Variants in WWTR1 observed in about 807,000 individuals in gnomAD.
The protein encoded by WWTR1 is WW domain-containing transcription regulator protein 1.
Under a neutral mutation model 40.1 loss-of-function variants are expected in WWTR1, and 13 were observed. The ratio of observed to expected loss-of-function variants is 0.32; its 90% CI spans 0.21 to 0.52. The LOEUF (loss-of-function observed/expected upper bound fraction) is 0.52, where lower values mean the gene tolerates loss of function less well. WWTR1 is among the 20% of genes least tolerant of loss of function. The pLI is 0.97. For synonymous variants in WWTR1, 230 were observed against 210.1 expected, an observed-to-expected ratio of 1.09 and a Z score of -0.82; for missense variants, 436 against 523.1, an observed-to-expected ratio of 0.83 and a Z score of 1.63.
intron 2 of WWTR1, among the ~76,000 whole-genome samples, chr3:149,652,917 G>A (rs1001108276): frequency 2.0e-5 from 3 of 151,914 alleles, no homozygotes; most frequent in African/African-American, 4.8e-5. Flanking sequence ...TTGAGGAGGT[G>A]AAGGAAACCA....
intron 1 of WWTR1, among the ~76,000 whole-genome samples, chr3:149,687,828 C>T (rs1022419708): frequency 1.3e-5 from 2 of 152,034 alleles, no homozygotes; most frequent in Non-Finnish European, 2.9e-5. Flanking sequence ...GCCTTAGCTC[C>T]TGGATGGCAT....
chr3:149,576,123 A>G (rs1737866595), intron 2 of WWTR1: 1 of 456,542 alleles, frequency 2.2e-6, no homozygotes, highest in Non-Finnish European at 4.4e-6. Flanking sequence ...AGAAAGCCCA[A>G]ATTCCTGGCT....
exon 1 of WWTR1, chr3:149,703,170 G>C (rs1334513830): frequency 6.6e-6 from 1 of 152,250 alleles, no homozygotes; most frequent in Non-Finnish European, 1.5e-5. Context: ...GGAGATTTTA[G>C]TCACTCTGAG....
chr3:149,524,120 G>C (rs1394005871), intron 6 of WWTR1, among the ~76,000 whole-genome samples: 1 of 152,180 alleles, frequency 6.6e-6, no homozygotes, highest in East Asian at 1.9e-4. Flanking sequence ...TGAGAAATCT[G>C]AGGCTCACGG....
At chr3:149,696,112 CAAAAAAAAA>C (rs368629673) in intron 1 of WWTR1, among the ~76,000 whole-genome samples, 1 of 77,140 alleles carries the variant, frequency 1.3e-5, no homozygotes, top group African/African-American at 5.5e-5. Flanking sequence ...GACTCTGTCT[CAAAAAAAAA>C]AAAAAAAAAA....
upstream of WWTR1, among the ~76,000 whole-genome samples, chr3:149,660,627 A>C (rs941434872): frequency 6.6e-6 from 1 of 152,250 alleles, no homozygotes; most frequent in African/African-American, 2.4e-5. Context: ...CGTAAGAGGC[A>C]GCACAGTGGA....
rs1464738319 is a variant in WWTR1 at position 149,518,950 on chromosome 3, T to C, written c.*1855A>G. ...CTACTTCATCTCTGACCTTTTCACT[T>C]GCCTTCTTTCCAACATGATCCAATG... On this transcript the variant is annotated 3_prime_UTR_variant, in exon 7 of 7. Transcript: ENST00000360632. The C allele has an allele frequency of 6.6e-6, 1 of 152,062 alleles. No individual in the cohort carries two copies. The highest frequency in any genetic ancestry group is 2.1e-4 in the South Asian group (1 of 4,822). 9.4% of individuals were successfully genotyped at this position (152,062 alleles called of 1,614,324 possible).
chr3:149,524,551 T>G (rs1401276600), intron 6 of WWTR1, among the ~76,000 whole-genome samples: 2 of 151,870 alleles, frequency 1.3e-5, no homozygotes, highest in Admixed American at 6.6e-5. Flanking sequence ...GGGGTGGTGG[T>G]GGGGGAAGAA....
chr3:149,621,161 G>A (rs1740247619), intron 2 of WWTR1, among the ~76,000 whole-genome samples: 1 of 152,124 alleles, frequency 6.6e-6, no homozygotes, highest in Non-Finnish European at 1.5e-5. Flanking sequence ...ACTAAATATG[G>A]CATTTAAAAG....
intron 1 of WWTR1, 190 bp downstream of exon 1, chr3:149,657,575 G>C: frequency 2.1e-6 from 1 of 465,362 alleles, no homozygotes; most frequent in Non-Finnish European, 3.8e-6. Flanking sequence ...GAGGGGTGGA[G>C]GGAATAACTG....
At chr3:149,595,958 G>A (rs1026590830) in intron 2 of WWTR1, among the ~76,000 whole-genome samples, 24 of 151,966 alleles carry the variant, frequency 1.6e-4, no homozygotes, top group Admixed American at 1.6e-3. Flanking sequence ...GCTTGAACCC[G>A]GGAGGTGGAG....
chr3:149,634,561 AAAT>A (rs904865764), intron 2 of WWTR1, among the ~76,000 whole-genome samples: 1 of 152,136 alleles, frequency 6.6e-6, no homozygotes, highest in African/African-American at 2.4e-5. Flanking sequence ...TTTCAAGGAG[AAAT>A]AAATCAGAAA....
intron 3 of WWTR1, among the ~76,000 whole-genome samples, chr3:149,567,559 G>A (rs2107987406): frequency 6.6e-6 from 1 of 152,348 alleles, no homozygotes; most frequent in East Asian, 1.9e-4. Flanking sequence ...CTTCCTGAAG[G>A]AGGAATGGAA....
At chr3:149,659,050 G>C (rs1048064790), upstream of WWTR1, among the ~76,000 whole-genome samples, 1 of 152,166 alleles carries the variant, frequency 6.6e-6, no homozygotes, top group Non-Finnish European at 1.5e-5. Context: ...CAAGTCTGGC[G>C]AAACAGCTGC....
chr3:149,569,817 GGGA>G (rs958141073), intron 3 of WWTR1, among the ~76,000 whole-genome samples: 4 of 152,076 alleles, frequency 2.6e-5, no homozygotes, highest in African/African-American at 9.7e-5. Flanking sequence ...AAGGAAGAGT[GGGA>G]GGAGAAGAAT....
chr3:149,624,038 C>T (rs935765199), intron 2 of WWTR1, among the ~76,000 whole-genome samples: 2 of 152,192 alleles, frequency 1.3e-5, no homozygotes, highest in Non-Finnish European at 2.9e-5. Context: ...CACTTCCCTT[C>T]GTCCGGCCAC....
At chr3:149,565,340 CATTT>C (rs1737262880) in intron 3 of WWTR1, among the ~76,000 whole-genome samples, 1 of 151,228 alleles carries the variant, frequency 6.6e-6, no homozygotes, top group African/African-American at 2.4e-5. Context: ...TGGCATCAGA[CATTT>C]TTCATGGCTT....
chr3:149,548,687 C>T (rs1345645208), intron 3 of WWTR1, among the ~76,000 whole-genome samples: 1 of 152,322 alleles, frequency 6.6e-6, no homozygotes, highest in Middle Eastern at 3.4e-3. Context: ...AATCCTTCTC[C>T]TCAGTTCACA....
chr3:149,570,450 T>C (rs1737563308), intron 3 of WWTR1, among the ~76,000 whole-genome samples: 1 of 152,008 alleles, frequency 6.6e-6, no homozygotes, highest in Admixed American at 6.6e-5. Flanking sequence ...ATGCACATAG[T>C]CCCAGCTACT....
Sources: gnomAD v4.1 joint callset for allele counts (sites outside exome capture counted in the v4.1 genomes callset) on GRCh38, gnomAD v4.1.1 for gene constraint, MANE v1.5 for transcripts, NCBI Gene and HGNC (gene_info 2026-07-23, HGNC 2026-07-21) for gene names.